CD99: variants seen among roughly 807,000 people sequenced by gnomAD.
CD99 encodes CD99 antigen.
Under a neutral mutation model 28.4 loss-of-function variants are expected in CD99, and 19 were observed. The ratio of observed to expected loss-of-function variants is 0.67; its 90% confidence interval spans 0.47 to 0.98. CD99 has a LOEUF of 0.98. CD99 is among the 50% of genes least tolerant of loss of function. The pLI, the probability that CD99 is intolerant of heterozygous loss-of-function variation, is 0.00. For missense variants in CD99, 283 were observed against 248.8 expected (o/e 1.14, Z -0.92); for synonymous variants, 103 against 92.1 (o/e 1.12, Z -0.67).
Position 2,691,337 on chromosome X carries a change from G to T in CD99, c.-24G>T. ...CGCCCACGCCCTGCACTCCGGGACC[G>T]TCCCTGCGCGCTCTGGGCGCACCAT... On this transcript the variant is annotated 5_prime_UTR_variant, in exon 1 of 10. Coordinates refer to ENST00000381192, the MANE Select transcript of CD99 (RefSeq NM_002414.5). 1 of 1,544,122 alleles carries T rather than the reference G, an allele frequency of 6.5e-7. No homozygotes were observed. The highest frequency in any genetic ancestry group is 8.7e-7 in the Non-Finnish European group (1 of 1,155,018).
rs768456773 is a variant in CD99, at chrX:2,734,620, C to CT, written c.476-3569dup. Among the ~76,000 whole-genome samples the CT allele has an allele frequency of 4.4e-3, 628 of 142,482 alleles. 3 individuals are homozygous for CT. The highest frequency in any genetic ancestry group is 0.013 in the African/African-American group (507 of 39,396). 93.5% of individuals were successfully genotyped at this position (142,482 alleles called of 152,430 possible). ...CTGTGCCTGGCCCTTTTTCTTTTTT[C>CT]TTTTTTTTTTTCTCTTATTTCTTTT... On this transcript the variant is annotated intron_variant, in intron 8 of 9. Transcript: ENST00000381192.
At chrX:2,728,668 G>T (rs777281041) in intron 8 of CD99, among the ~76,000 whole-genome samples, 17 of 152,268 alleles carry the variant, frequency 1.1e-4, no homozygotes, top group African/African-American at 4.1e-4. Context: ...GGTTAAAACA[G>T]TAGGGACTCA....
intron 1 of CD99, among the ~76,000 whole-genome samples, chrX:2,697,117 A>G (rs1191274680): frequency 2.0e-5 from 3 of 151,962 alleles, no homozygotes; most frequent in Admixed American, 6.6e-5. Flanking sequence ...TTGCTAAAGA[A>G]GCCGCATGGG....
rs141492461 is a variant in CD99 at position 2,697,312 on chromosome X, A to C, written c.67+5885A>C. ...GTCCCCTGTTTTTGAGAATCACCTG[A>C]AAGAGTCTGATTTTCTGCATCTTTT... On this transcript the variant is annotated intron_variant, in intron 1 of 9. Coordinates refer to ENST00000381192, the MANE Select transcript of CD99 (RefSeq NM_002414.5). Among the ~76,000 whole-genome samples the C allele has an allele frequency of 9.9e-3, 1,505 of 152,276 alleles. 21 individuals are homozygous for C. Among genetic ancestry groups the C allele is most frequent in the African/African-American group, 0.033 (1,358 of 41,550 alleles).
chrX:2,740,716 A>G, intron 9 of CD99, 63 bp from the exon 10 acceptor site: 1 of 1,559,096 alleles, frequency 6.4e-7, no homozygotes, highest in Non-Finnish European at 8.8e-7. Context: ...AGTTGTAGGA[A>G]CTGTGTCCAC....
At chrX:2,700,731 C>CA (rs1471128849) in intron 1 of CD99, among the ~76,000 whole-genome samples, 2 of 152,044 alleles carry the variant, frequency 1.3e-5, no homozygotes, top group Non-Finnish European at 2.9e-5. Context: ...ATCTGTCCAC[C>CA]ATCCACTCAT....
chrX:2,696,805 G>A (rs1199000325), intron 1 of CD99, among the ~76,000 whole-genome samples: 3 of 152,116 alleles, frequency 2.0e-5, no homozygotes, highest in Non-Finnish European at 4.4e-5. Context: ...TGAATTTCCT[G>A]TTCAGTATTC....
intron 4 of CD99, 137 bp from the exon 5 acceptor site, chrX:2,720,217 CTG>C: frequency 1.5e-6 from 1 of 685,644 alleles, no homozygotes; most frequent in Non-Finnish European, 2.6e-6. Context: ...TGGCAGGAGA[CTG>C]TGTGTGTACA....
chrX:2,720,985 A>G (rs1429200622), intron 5 of CD99, among the ~76,000 whole-genome samples: 8 of 152,208 alleles, frequency 5.3e-5, no homozygotes. Flanking sequence ...ATTGCATACA[A>G]TAATTTAAAT....
At chrX:2,691,659 G>A (rs1183230132) in intron 1 of CD99, 4 of 706,154 alleles carry the variant, frequency 5.7e-6, no homozygotes, top group Non-Finnish European at 5.2e-6. Context: ...TGTTGTCGGA[G>A]TTGCAAACTC....
chrX:2,734,771 G>T (rs1488461511), intron 8 of CD99, among the ~76,000 whole-genome samples: 19 of 138,246 alleles, frequency 1.4e-4, no homozygotes, highest in Non-Finnish European at 2.2e-4. Context: ...TGACTTTTCT[G>T]ATTTCTTTTT....
chrX:2,703,071 G>A (rs2047941518), intron 1 of CD99, among the ~76,000 whole-genome samples: 1 of 152,124 alleles, frequency 6.6e-6, no homozygotes, highest in Non-Finnish European at 1.5e-5. Flanking sequence ...TTACAGGCGT[G>A]AGCCACCACA....
intron 1 of CD99, among the ~76,000 whole-genome samples, chrX:2,712,289 A>G (rs1479931338): frequency 6.6e-6 from 1 of 152,114 alleles, no homozygotes; most frequent in African/African-American, 2.4e-5. Flanking sequence ...ATAGGAAGGG[A>G]TAAGTTCAGG....
intron 1 of CD99, among the ~76,000 whole-genome samples, chrX:2,693,027 G>T (rs28615793): frequency 6.6e-6 from 1 of 152,288 alleles, no homozygotes; most frequent in Admixed American, 6.5e-5. Context: ...TGAAGCCCTA[G>T]GGACAGATTT....
At chrX:2,730,929 CA>C (rs4034603) in intron 8 of CD99, among the ~76,000 whole-genome samples, 40,683 of 105,872 alleles carry the variant, frequency 0.38, 6,278 homozygotes, top group African/African-American at 0.5. Flanking sequence ...GACTCTGTCT[CA>C]AAAAAAAAAA....
intron 2 of CD99, among the ~76,000 whole-genome samples, chrX:2,715,938 C>T (rs1459880672): frequency 6.6e-6 from 1 of 152,086 alleles, no homozygotes; most frequent in East Asian, 1.9e-4. Context: ...ACCCTGTTTC[C>T]AAGTAAGATC....
At position 2,702,780 on chromosome X, in the gene CD99, C is replaced by CT. The variant is rs768557989; in HGVS notation, c.67+11364dup. Among the ~76,000 whole-genome samples, 1,444 of 147,762 alleles carry CT rather than the reference C, an allele frequency of 9.8e-3. 18 individuals are homozygous for CT. The highest frequency in any genetic ancestry group is 0.034 in the African/African-American group (1,358 of 40,312). On this transcript the variant is annotated intron_variant, in intron 1 of 9. Transcript: ENST00000381192. ...TGCACAGAACGGCAAAAAAATTGAA[C>CT]TTTTTTTTTTTATTTTTTTTGGATG...
intron 5 of CD99, among the ~76,000 whole-genome samples, chrX:2,722,249 A>G (rs887407441): frequency 1.6e-4 from 24 of 152,088 alleles, no homozygotes; most frequent in African/African-American, 5.3e-4. Context: ...AGCCTTCTTC[A>G]TTTATTTACA....
chrX:2,707,297 T>A (rs1330570311), intron 1 of CD99, among the ~76,000 whole-genome samples: 1 of 151,304 alleles, frequency 6.6e-6, no homozygotes, highest in African/African-American at 2.4e-5. Flanking sequence ...GCTACTGTAC[T>A]CTAGCCTGGG....
Sources: allele counts gnomAD v4.1 joint callset (sites outside exome capture counted in the v4.1 genomes callset), GRCh38; gene constraint gnomAD v4.1.1; transcripts MANE v1.5; gene names NCBI Gene and HGNC (gene_info 2026-07-23, HGNC 2026-07-21).